The following KIAA2012 variants were observed in gnomAD, a reference collection of about 807,000 sequenced individuals.
KIAA2012 encodes the protein KIAA2012.
A neutral mutation model predicts 150.6 loss-of-function variants in KIAA2012; 125 were observed. The ratio of observed to expected loss-of-function variants is 0.83; its 90% CI spans 0.72 to 0.96. KIAA2012 has a LOEUF of 0.96. KIAA2012 is among the 40% of genes least tolerant of loss of function. The pLI is 0.00. For missense variants in KIAA2012, 1,219 were observed against 1,354.9 expected (o/e 0.90, Z 1.57); for synonymous variants, 462 against 504.7 (o/e 0.92, Z 1.13).
chr2:202,171,205 GCA>G (rs10532177), intron 15 of KIAA2012, among the ~76,000 whole-genome samples: 142,983 of 149,896 alleles, frequency 0.95, 68,511 homozygotes, highest in East Asian at 1. Context: ...AGACACACAT[GCA>G]CACACACACA....
At chr2:202,181,336 G>A (rs59236448) in intron 15 of KIAA2012, among the ~76,000 whole-genome samples, 62,020 of 152,072 alleles carry the variant, frequency 0.41, 12,778 homozygotes, top group East Asian at 0.58. Flanking sequence ...AACACTTTGG[G>A]AAGTTGAGGC....
intron 2 of KIAA2012, among the ~76,000 whole-genome samples, chr2:202,087,510 C>CAAAAAAAAAAAAAAAAAAAAAAAAA (rs59728832): frequency 1.9e-5 from 1 of 52,524 alleles, no homozygotes; most frequent in Non-Finnish European, 3.3e-5. Flanking sequence ...GAAACCATCT[C>CAAAAAAAAAAAAAAAAAAAAAAAAA]AAAAAAAAAA....
In KIAA2012 at chr2:202,196,824, A is replaced by T; in HGVS notation, c.3212A>T (p.Glu1071Val). 1 of 1,550,552 alleles carries T rather than the reference A, an allele frequency of 6.4e-7. No homozygotes were observed. The highest frequency in any genetic ancestry group is 2.0e-5 in the Admixed American group (1 of 51,000). Reference protein sequence around the residue: ...RAEAEKQRQEELEMQLEEEQK... With the variant: ...RAEAEKQRQEVLEMQLEEEQK... The stretch of plus-strand genomic sequence containing the variant: ...GAGGCAGAGAAGCAAAGGCAAGAGG[A>T]ATTGGAAATGCAGTTAGAAGAAGAA... Residue 1071 changes from glutamate (E) to valine (V), a missense_variant, in exon 22 of 24, where the codon GAA (glutamate) becomes GTA (valine). Glu to Val is a moderately radical substitution (Grantham distance 121). Transcript: ENST00000498697.
intron 2 of KIAA2012, among the ~76,000 whole-genome samples, chr2:202,085,239 C>T (rs1306116552): frequency 6.6e-6 from 1 of 152,126 alleles, no homozygotes; most frequent in Non-Finnish European, 1.5e-5. Context: ...GGATGTCCTG[C>T]CAAAGATATC....
At chr2:202,154,544 A>T in intron 13 of KIAA2012, 129 bp from the exon 14 acceptor site, 1 of 803,982 alleles carries the variant, frequency 1.2e-6, no homozygotes, top group Non-Finnish European at 1.9e-6. Flanking sequence ...CAGTAACAAT[A>T]GTTGCTGCGT....
In KIAA2012 at chr2:202,100,481, G is replaced by C. The variant is rs751827829; in HGVS notation, c.1155+32G>C. On this transcript the variant is annotated intron_variant, in intron 7 of 23. Transcript: ENST00000498697. ...TGTATATGTATGTTTGTGCATACAG[G>C]AGAGAGAGAGAGGAGGGAAGAGAGA... The C allele has an allele frequency of 4.1e-5, 58 of 1,414,634 alleles. 1 individual carries two copies. The highest frequency in any genetic ancestry group is 4.7e-5 in the Non-Finnish European group (49 of 1,050,488). The allele number at this position is 1,414,634 out of a possible 1,614,324, so 87.6% of individuals were successfully genotyped here. A position where few individuals can be genotyped will look rare whatever the true frequency, so the allele number is the denominator to read the frequency against.
intron 9 of KIAA2012, 151 bp from the exon 10 acceptor site, chr2:202,109,462 A>G (rs1690288591): frequency 1.6e-6 from 1 of 620,262 alleles, no homozygotes; most frequent in South Asian, 3.5e-5. Context: ...TAACACCAGG[A>G]CAATTTCTCC....
intron 14 of KIAA2012, among the ~76,000 whole-genome samples, chr2:202,156,965 A>G (rs1691541211): frequency 6.6e-6 from 1 of 152,302 alleles, no homozygotes; most frequent in South Asian, 2.1e-4. Flanking sequence ...TTTAGTATCC[A>G]CAATGCTTTT....
At chr2:202,134,387 C>T (rs1245703366) in intron 12 of KIAA2012, among the ~76,000 whole-genome samples, 1 of 152,114 alleles carries the variant, frequency 6.6e-6, no homozygotes, top group Non-Finnish European at 1.5e-5. Context: ...ATATTCTTTC[C>T]CAAACCCTGA....
intron 22 of KIAA2012, among the ~76,000 whole-genome samples, chr2:202,200,750 A>G (rs1484283834): frequency 3.5e-5 from 4 of 114,642 alleles, no homozygotes; most frequent in African/African-American, 1.4e-4. Flanking sequence ...CTTGTTGCCC[A>G]GGCTGGAGTG....
At chr2:202,075,376 T>C (rs1521886) in intron 2 of KIAA2012, among the ~76,000 whole-genome samples, 93,992 of 152,116 alleles carry the variant, frequency 0.62, 29,392 homozygotes, top group Non-Finnish European at 0.63. Context: ...AATGAGATAA[T>C]GTATGTGAAA....
intron 11 of KIAA2012, among the ~76,000 whole-genome samples, chr2:202,120,089 A>G (rs1690622295): frequency 6.6e-6 from 1 of 152,272 alleles, no homozygotes; most frequent in African/African-American, 2.4e-5. Flanking sequence ...CTCCTCAGCC[A>G]CATGAAACTG....
At position 202,127,613 on chromosome 2, in the gene KIAA2012, C is replaced by G. The variant is rs753088518; in HGVS notation, c.1831+2331C>G. ...GACAGTGCCCCAAAGGCTAACTTAG[C>G]CTATTACAGGAGGCCTCGCAGAAAG... On this transcript the variant is annotated intron_variant, in intron 12 of 23. Coordinates refer to ENST00000498697, the MANE Select transcript of KIAA2012 (RefSeq NM_001277372.4). Among the ~76,000 whole-genome samples the G allele has an allele frequency of 8.1e-4, 124 of 152,158 alleles. 1 individual carries two copies. The highest frequency in any genetic ancestry group is 1.6e-3 in the Non-Finnish European group (109 of 68,024).
intron 11 of KIAA2012, among the ~76,000 whole-genome samples, chr2:202,118,228 G>T (rs531319830): frequency 6.6e-6 from 1 of 152,234 alleles, no homozygotes; most frequent in East Asian, 1.9e-4. Flanking sequence ...TGCCTTTTCA[G>T]TGTTTTTCAT....
intron 15 of KIAA2012, among the ~76,000 whole-genome samples, chr2:202,182,185 G>A (rs540247683): frequency 6.0e-4 from 82 of 137,160 alleles, no homozygotes; most frequent in African/African-American, 2.1e-3. Flanking sequence ...CGCGATCTCA[G>A]TTCACTGCAA....
chr2:202,105,595 C>G (rs1451648823), intron 8 of KIAA2012, among the ~76,000 whole-genome samples, 166 bp from the exon 9 acceptor site: 1 of 152,228 alleles, frequency 6.6e-6, no homozygotes. Flanking sequence ...ATGAGGTACT[C>G]TCATGCCAGG....
chr2:202,138,532 G>A, intron 13 of KIAA2012, 24 bp downstream of exon 13: 2 of 1,518,064 alleles, frequency 1.3e-6, no homozygotes, highest in Admixed American at 2.0e-5. Flanking sequence ...TCTGAATGAG[G>A]ATGACACTAG....
intron 2 of KIAA2012, among the ~76,000 whole-genome samples, chr2:202,090,534 A>C (rs1439400830): frequency 6.6e-6 from 1 of 152,160 alleles, no homozygotes; most frequent in African/African-American, 2.4e-5. Context: ...TCAAGATGGG[A>C]TCTGGTATAT....
At chr2:202,146,254 G>A (rs1236833011) in intron 13 of KIAA2012, among the ~76,000 whole-genome samples, 2 of 152,114 alleles carry the variant, frequency 1.3e-5, no homozygotes, top group East Asian at 3.9e-4. Flanking sequence ...CATAATCCCA[G>A]CACTTTGGGA....
Sources: allele counts gnomAD v4.1 joint callset (sites outside exome capture counted in the v4.1 genomes callset), GRCh38; gene constraint gnomAD v4.1.1; transcripts MANE v1.5; gene names NCBI Gene and HGNC (gene_info 2026-07-23, HGNC 2026-07-21).